The following SOX5 variants were observed in gnomAD, a reference collection of about 807,000 sequenced individuals.
SOX5 encodes SRY-box transcription factor 5.
Under a neutral mutation model 92.0 loss-of-function variants are expected in SOX5, and 9 were observed. That is an observed-to-expected ratio of 0.10 (90% CI 0.06 to 0.17). The LOEUF is 0.17. Ranked by LOEUF, SOX5 falls within the 10% of genes least tolerant of loss-of-function variation. The pLI is 1.00. For missense variants in SOX5, 642 were observed against 944.5 expected, an observed-to-expected ratio of 0.68 and a Z score of 4.20; for synonymous variants, 344 against 336.3, an observed-to-expected ratio of 1.02 and a Z score of -0.25.
chr12:24,016,804 G>T (rs983426224), intron 4 of SOX5, among the ~76,000 whole-genome samples: 2 of 152,090 alleles, frequency 1.3e-5, no homozygotes, highest in African/African-American at 2.4e-5. Flanking sequence ...AGAGCAAAAG[G>T]CTGTGACACC....
Position 24,095,090 on chromosome 12 carries a change from AACACACACAC to A in SOX5, c.-2+118243_-2+118252del, listed in dbSNP as rs150030739. Among the ~76,000 whole-genome samples the A allele has an allele frequency of 6.1e-5, 8 of 131,628 alleles. No individual in the cohort carries two copies. The East Asian group carries it at 9.1e-4, about 15-fold the overall frequency. 86.4% of individuals were successfully genotyped at this position (131,628 alleles called of 152,430 possible). ...ACTTTCTTATAATTTCTAGCCCCGA[AACACACACAC>A]ACACACACACACACACACACACACA... On this transcript the variant is annotated intron_variant, in intron 4 of 4. Transcript: ENST00000446891.
chr12:23,773,777 CA>C (rs928312186), intron 3 of SOX5, among the ~76,000 whole-genome samples: 4 of 151,446 alleles, frequency 2.6e-5, no homozygotes, highest in African/African-American at 9.7e-5. Flanking sequence ...AGACACCAGT[CA>C]AAAAAATCAA....
Position 24,194,655 on chromosome 12 carries a change from G to A in SOX5, c.-2+18688C>T, listed in dbSNP as rs189408278. On this transcript the variant is annotated intron_variant, in intron 4 of 4. Transcript: ENST00000446891. ...AGCTTTTCAATGGAAACGAAACAAA[G>A]ACTCATCCTACTGTTAAAGGTTTCC... 1.2e-4 allele frequency among the ~76,000 whole-genome samples: 19 copies of A among 152,168 alleles called. No homozygotes were observed. The East Asian group carries it at 3.7e-3, about 29-fold the overall frequency.
At chr12:24,412,126 G>A (rs759984891) in intron 1 of SOX5, among the ~76,000 whole-genome samples, 31 of 152,018 alleles carry the variant, frequency 2.0e-4, no homozygotes, top group South Asian at 2.1e-4. Context: ...CATCCGTATC[G>A]TATCGATACG....
chr12:24,541,726 C>T (rs1174367669), intron 1 of SOX5, among the ~76,000 whole-genome samples: 4 of 151,934 alleles, frequency 2.6e-5, no homozygotes, highest in Non-Finnish European at 4.4e-5. Flanking sequence ...TCCTTTTTTC[C>T]CCTATTGTTT....
chr12:24,363,873 G>T (rs1053925336), intron 2 of SOX5, among the ~76,000 whole-genome samples: 1 of 152,166 alleles, frequency 6.6e-6, no homozygotes, highest in African/African-American at 2.4e-5. Context: ...GTGGGAATGT[G>T]GCAAGAGCCC....
chr12:23,972,467 C>G (rs1316852180), intron 4 of SOX5, among the ~76,000 whole-genome samples: 1 of 152,146 alleles, frequency 6.6e-6, no homozygotes, highest in East Asian at 1.9e-4. Flanking sequence ...AAGTGATTCT[C>G]CTGCCCCAGT....
At chr12:24,306,846 C>A (rs1948627077) in intron 2 of SOX5, among the ~76,000 whole-genome samples, 1 of 152,114 alleles carries the variant, frequency 6.6e-6, no homozygotes, top group African/African-American at 2.4e-5. Flanking sequence ...AGTGCCCAGA[C>A]TAAGGGCAAG....
At chr12:24,277,832 T>C (rs542848037) in intron 2 of SOX5, among the ~76,000 whole-genome samples, 140 of 152,208 alleles carry the variant, frequency 9.2e-4, no homozygotes, top group African/African-American at 3.1e-3. Context: ...CATTTAAACA[T>C]ATAACAGCAA....
intron 4 of SOX5, among the ~76,000 whole-genome samples, chr12:24,046,805 G>A (rs910172137): frequency 6.6e-6 from 1 of 150,538 alleles, no homozygotes; most frequent in South Asian, 2.1e-4. Context: ...TCAGCCTCCT[G>A]AGTAGCTGGG....
In SOX5 at chr12:24,406,118, C is replaced by T. The variant is rs74070058; in HGVS notation, c.-250-37479G>A. ...TCTGAGAAGTGCCCGCAGCCTCTCC[C>T]GCCCATGAAGGTTCATAAGAGGCAT... On this transcript the variant is annotated intron_variant, in intron 1 of 4. Transcript: ENST00000446891. Among the ~76,000 whole-genome samples the T allele has an allele frequency of 7.9e-3, 1,197 of 152,172 alleles. 16 individuals carry two copies. The highest frequency in any genetic ancestry group is 0.027 in the African/African-American group (1,131 of 41,504).
At chr12:24,079,637 T>C (rs963079682) in intron 4 of SOX5, among the ~76,000 whole-genome samples, 1 of 151,872 alleles carries the variant, frequency 6.6e-6, no homozygotes, top group African/African-American at 2.4e-5. Flanking sequence ...TTTTCTTGGG[T>C]CCAATATGTA....
At position 23,593,078 on chromosome 12, in the gene SOX5, C is replaced by CA. The variant is rs71933533; in HGVS notation, c.1164+11308dup. On this transcript the variant is annotated intron_variant, in intron 9 of 14. Transcript: ENST00000451604. ...TGGGCAATGGAGTTAGACCCTGTCT[C>CA]AAAAATAAATAAATAAATAAATAAA... Among the ~76,000 whole-genome samples, 174 of 84,664 alleles carry CA rather than the reference C, an allele frequency of 2.1e-3. 2 individuals carry two copies. The highest frequency in any genetic ancestry group is 5.1e-3 in the African/African-American group (165 of 32,064). 55.5% of individuals were successfully genotyped at this position (84,664 alleles called of 152,430 possible).
chr12:23,700,717 T>C (rs905624555), intron 6 of SOX5, among the ~76,000 whole-genome samples: 4 of 152,026 alleles, frequency 2.6e-5, no homozygotes, highest in African/African-American at 4.8e-5. Context: ...TTTTCATAAA[T>C]ATGTAGAGAA....
At chr12:23,894,224 CTAT>C (rs141143701) in intron 2 of SOX5, among the ~76,000 whole-genome samples, 2 of 151,616 alleles carry the variant, frequency 1.3e-5, no homozygotes, top group Admixed American at 6.6e-5. Context: ...TAAAACATTA[CTAT>C]TATTATTATT....
intron 4 of SOX5, among the ~76,000 whole-genome samples, chr12:24,078,691 A>G (rs1419951036): frequency 6.6e-6 from 1 of 152,106 alleles, no homozygotes; most frequent in Non-Finnish European, 1.5e-5. Context: ...AACCTCAAGT[A>G]AGGTAAAGGC....
At chr12:23,572,322 T>A (rs80117631) in intron 10 of SOX5, among the ~76,000 whole-genome samples, 1,777 of 152,316 alleles carry the variant, frequency 0.012, 40 homozygotes, top group African/African-American at 0.041. Flanking sequence ...TCACAGCTTT[T>A]ATCCAACTAC....
At chr12:23,640,544 C>T (rs1030814600) in intron 8 of SOX5, among the ~76,000 whole-genome samples, 5 of 152,010 alleles carry the variant, frequency 3.3e-5, no homozygotes, top group African/African-American at 9.7e-5. Flanking sequence ...AATTATGGCA[C>T]GCAGTAATCA....
At chr12:24,164,525 T>C (rs1953158247) in intron 4 of SOX5, among the ~76,000 whole-genome samples, 1 of 152,124 alleles carries the variant, frequency 6.6e-6, no homozygotes, top group East Asian at 1.9e-4. Flanking sequence ...AAGGAAAAAA[T>C]TGTAAATTAG....
Sources: gnomAD v4.1 joint callset for allele counts (sites outside exome capture counted in the v4.1 genomes callset) on GRCh38, gnomAD v4.1.1 for gene constraint, MANE v1.5 for transcripts, NCBI Gene and HGNC (gene_info 2026-07-23, HGNC 2026-07-21) for gene names.